Variants in CDK19 observed in about 807,000 individuals in gnomAD.
CDK19 encodes the protein cyclin dependent kinase 19, also known as cyclin-dependent kinase 19.
In CDK19, 20 loss-of-function variants were observed where a neutral mutation model predicts 68.3. The ratio of observed to expected loss-of-function variants is 0.29; its 90% confidence interval spans 0.21 to 0.43. The LOEUF is 0.43. Ranked by LOEUF, CDK19 falls within the 20% of genes least tolerant of loss-of-function variation. The probability of loss-of-function intolerance (pLI) is 1.00; values close to 1 mark genes in which losing one functional copy is unlikely to be tolerated. For synonymous variants in CDK19, 221 were observed against 222.8 expected, an observed-to-expected ratio of 0.99 and a Z score of 0.07; for missense variants, 339 against 623.5, an observed-to-expected ratio of 0.54 and a Z score of 4.86.
chr6:110,787,820 C>A (rs755895701), intron 1 of CDK19, among the ~76,000 whole-genome samples: 7 of 151,816 alleles, frequency 4.6e-5, no homozygotes, highest in Admixed American at 1.3e-4. Context: ...GTTATCTTGA[C>A]TGGGTTTTGC....
At chr6:110,638,732 A>G (rs1779941880) in intron 4 of CDK19, 26 bp from the exon 5 acceptor site, 2 of 1,288,106 alleles carry the variant, frequency 1.6e-6, no homozygotes, top group African/African-American at 1.5e-5. Flanking sequence ...GAGCATTCAA[A>G]TTACCATGTT....
At chr6:110,753,262 T>A (rs1007372020) in intron 1 of CDK19, among the ~76,000 whole-genome samples, 1 of 152,178 alleles carries the variant, frequency 6.6e-6, no homozygotes, top group South Asian at 2.1e-4. Context: ...ATCTTCATTA[T>A]ATACTATTTC....
At position 110,700,323 on chromosome 6, in the gene CDK19, A is replaced by G. The variant is rs545905947; in HGVS notation, c.205-29782T>C. ...TGCATAATAAATGTAATGTGTTTGAATCATCCAGAAAGCATCCCCCGAACC... is the reference window on the plus strand; with the variant it reads ...TGCATAATAAATGTAATGTGTTTGAGTCATCCAGAAAGCATCCCCCGAACC... On this transcript the variant is annotated intron_variant, in intron 2 of 12. Coordinates refer to ENST00000368911, the MANE Select transcript of CDK19 (RefSeq NM_015076.5). Among the ~76,000 whole-genome samples the G allele has an allele frequency of 1.6e-4, 24 of 152,356 alleles. 1 individual carries two copies. The South Asian group carries it at 4.6e-3, about 29-fold the overall frequency.
intron 1 of CDK19, among the ~76,000 whole-genome samples, chr6:110,747,638 T>C (rs1419028378): frequency 6.6e-6 from 1 of 152,346 alleles, no homozygotes; most frequent in Non-Finnish European, 1.5e-5. Flanking sequence ...GCTAATATTA[T>C]ATTGCCTTTA....
intron 2 of CDK19, among the ~76,000 whole-genome samples, chr6:110,720,241 C>A (rs112311520): frequency 1.3e-5 from 2 of 152,226 alleles, no homozygotes; most frequent in African/African-American, 4.8e-5. Context: ...AAGTTCTTGA[C>A]AAGGCAGTGA....
chr6:110,658,562 G>A (rs1335972947), intron 4 of CDK19, among the ~76,000 whole-genome samples: 1 of 152,124 alleles, frequency 6.6e-6, no homozygotes, highest in Admixed American at 6.6e-5. Flanking sequence ...CATTCAAGAA[G>A]GAAGAATGAA....
intron 2 of CDK19, among the ~76,000 whole-genome samples, chr6:110,703,463 G>A (rs958800323): frequency 1.3e-5 from 2 of 152,082 alleles, no homozygotes; most frequent in Admixed American, 1.3e-4. Flanking sequence ...AATGATAATG[G>A]AGAAAATACA....
At chr6:110,759,448 T>C (rs1245477911) in intron 1 of CDK19, among the ~76,000 whole-genome samples, 2 of 124,680 alleles carry the variant, frequency 1.6e-5, no homozygotes, top group Non-Finnish European at 3.3e-5. Flanking sequence ...TATATATATA[T>C]ATAAATTAGC....
At chr6:110,708,222 C>T (rs998753370) in intron 2 of CDK19, among the ~76,000 whole-genome samples, 6 of 152,136 alleles carry the variant, frequency 3.9e-5, no homozygotes, top group Non-Finnish European at 7.4e-5. Flanking sequence ...CCCTCATTGC[C>T]AAGGGTTCTA....
At chr6:110,787,240 G>A (rs1781284662) in intron 1 of CDK19, among the ~76,000 whole-genome samples, 1 of 152,066 alleles carries the variant, frequency 6.6e-6, no homozygotes, top group African/African-American at 2.4e-5. Flanking sequence ...TGGGCATGGT[G>A]GTGCATGTTT....
Position 110,693,851 on chromosome 6 carries a change from GC to G in CDK19, c.205-23311del, listed in dbSNP as rs1773245569. Among the ~76,000 whole-genome samples, 6 of 152,116 alleles carry G rather than the reference GC, an allele frequency of 3.9e-5. No homozygotes were observed. In the South Asian group the frequency reaches 1.0e-3, roughly 26 times the overall value. On this transcript the variant is annotated intron_variant, in intron 2 of 12. Coordinates refer to ENST00000368911, the MANE Select transcript of CDK19 (RefSeq NM_015076.5). ...GACATAAATGCTTGGGAGCTCAATG[GC>G]CCCACCCATAGCCTGAGAAACCTGA...
chr6:110,782,678 G>C (rs1480239172), intron 1 of CDK19, among the ~76,000 whole-genome samples: 1 of 150,282 alleles, frequency 6.7e-6, no homozygotes, highest in South Asian at 2.1e-4. Context: ...TTTACAATCA[G>C]AAAAAAAAAT....
At chr6:110,667,152 CAT>C (rs1438326051) in intron 4 of CDK19, among the ~76,000 whole-genome samples, 1 of 152,122 alleles carries the variant, frequency 6.6e-6, no homozygotes, top group Non-Finnish European at 1.5e-5. Context: ...GCATGCTTCA[CAT>C]GTGACTACTC....
chr6:110,747,721 A>G, intron 1 of CDK19, among the ~76,000 whole-genome samples: 1 of 152,242 alleles, frequency 6.6e-6, no homozygotes, highest in East Asian at 1.9e-4. Flanking sequence ...GTGATAGCTC[A>G]GGCATGTTTT....
chr6:110,807,362 A>G (rs1298128), intron 1 of CDK19, among the ~76,000 whole-genome samples: 23,991 of 152,172 alleles, frequency 0.16, 2,102 homozygotes, highest in East Asian at 0.31. Flanking sequence ...ACATACCCCA[A>G]AAGAAAATCC....
Position 110,815,366 on chromosome 6 carries a change from C to G in CDK19, c.-230G>C, listed in dbSNP as rs1450189412. On this transcript the variant is annotated 5_prime_UTR_variant, in exon 1 of 13. Coordinates refer to ENST00000368911, the MANE Select transcript of CDK19 (RefSeq NM_015076.5). ...TCCTCCTCCTCCGCGACGGCGGCGGCGGCTCCCGCAGGCACCCCCAGTCCC... is the reference window on the plus strand; with the variant it reads ...TCCTCCTCCTCCGCGACGGCGGCGGGGGCTCCCGCAGGCACCCCCAGTCCC... The G allele has an allele frequency of 2.0e-5, 8 of 391,318 alleles. No homozygotes were observed. The East Asian group carries it at 3.0e-4, about 15-fold the overall frequency. The allele number at this position is 391,318 out of a possible 1,614,324, so 24.2% of individuals were successfully genotyped here.
Position 110,753,576 on chromosome 6 carries a change from G to T in CDK19, c.129-7375C>A, listed in dbSNP as rs1193066564. On this transcript the variant is annotated intron_variant, in intron 1 of 12. Coordinates refer to ENST00000368911, the MANE Select transcript of CDK19 (RefSeq NM_015076.5). ...TTTTTTTTTTTTTCCTGTAGCGATG[G>T]GGTCTCACTATGTTTCCCAGGCTGG... Among the ~76,000 whole-genome samples, 7 of 151,040 alleles carry T rather than the reference G, an allele frequency of 4.6e-5. No homozygotes were observed. In the East Asian group the frequency reaches 1.4e-3, roughly 29 times the overall value.
At chr6:110,780,372 G>C (rs906642228) in intron 1 of CDK19, among the ~76,000 whole-genome samples, 3 of 140,872 alleles carry the variant, frequency 2.1e-5, no homozygotes, top group African/African-American at 5.4e-5. Flanking sequence ...CCTGATGACA[G>C]AGTGACACTC....
At chr6:110,619,023 A>T (rs977078020) in intron 12 of CDK19, among the ~76,000 whole-genome samples, 2 of 152,180 alleles carry the variant, frequency 1.3e-5, no homozygotes, top group African/African-American at 4.8e-5. Context: ...GAGTGAAAGG[A>T]AAGTTTTTCC....
Sources: allele counts gnomAD v4.1 joint callset (sites outside exome capture counted in the v4.1 genomes callset), GRCh38; gene constraint gnomAD v4.1.1; transcripts MANE v1.5; gene names NCBI Gene and HGNC (gene_info 2026-07-23, HGNC 2026-07-21).